Variants in CYP27B1 observed in about 807,000 individuals in gnomAD.
CYP27B1 encodes the protein cytochrome P450 family 27 subfamily B member 1, also known as 25-hydroxyvitamin D-1 alpha hydroxylase, mitochondrial.
Under a neutral mutation model 54.8 loss-of-function variants are expected in CYP27B1, and 46 were observed. That is an observed-to-expected ratio of 0.84 (90% confidence interval 0.66 to 1.07). The LOEUF (loss-of-function observed/expected upper bound fraction) is 1.07. CYP27B1 is among the 50% of genes least tolerant of loss of function. The probability of loss-of-function intolerance (pLI) is 0.00; values close to 1 mark genes in which losing one functional copy is unlikely to be tolerated. For synonymous variants in CYP27B1, 292 were observed against 297.3 expected (o/e 0.98, Z 0.18); for missense variants, 674 against 692.2 (o/e 0.97, Z 0.30).
chr12:57,765,916 C>T lies in CYP27B1; in HGVS notation c.386+91G>A. The stretch of plus-strand genomic sequence containing the variant: ...ATGGTAGAGTGGGACAGCCGACCTC[C>T]CACCATGCCCCCAGATTGATAGTTT... On this transcript the variant is annotated intron_variant, in intron 2 of 8. Coordinates refer to ENST00000228606, the MANE Select transcript of CYP27B1 (RefSeq NM_000785.4). The surrounding 1 kb of genome is among the most constrained non-coding windows in gnomAD (Gnocchi z 5.8). 7 of 1,450,510 alleles carry T rather than the reference C, an allele frequency of 4.8e-6. No homozygotes were observed. Among genetic ancestry groups the T allele is most frequent in the Non-Finnish European group, 6.3e-6 (7 of 1,105,200 alleles). 89.9% of individuals were successfully genotyped at this position (1,450,510 alleles called of 1,614,324 possible). A position where few individuals can be genotyped will look rare whatever the true frequency, so the allele number is the denominator to read the frequency against.
chr12:57,765,993 CAG>C lies in CYP27B1; in HGVS notation c.386+12_386+13del, dbSNP rs1481163627. 1 of 1,550,662 alleles carries C rather than the reference CAG, an allele frequency of 6.4e-7. No individual in the cohort carries two copies. The highest frequency in any genetic ancestry group is 1.4e-5 in the African/African-American group (1 of 73,600). Reference sequence around the variant, plus strand: ...TGCAGGGCGTCTGGGCTTCTGGGGGCAGAGAAGACTCACGCAGTGAGCAGTCC... The same window carrying C: ...TGCAGGGCGTCTGGGCTTCTGGGGGCAGAAGACTCACGCAGTGAGCAGTCC... On this transcript the variant is annotated intron_variant, in intron 2 of 8. Coordinates refer to ENST00000228606, the MANE Select transcript of CYP27B1 (RefSeq NM_000785.4). This position sits in a 1 kb window ranked among gnomAD's most constrained non-coding sequence, Gnocchi z 5.8.
Position 57,767,036 on chromosome 12 carries a change from G to C in CYP27B1, c.6C>G (p.Thr2=), listed in dbSNP as rs771825668. 1 of 1,614,160 alleles carries C rather than the reference G, an allele frequency of 6.2e-7. No individual in the cohort carries two copies. Among genetic ancestry groups the C allele is most frequent in the South Asian group, 1.1e-5 (1 of 91,086 alleles). ...CTCTGGAGGCGTACTTGAGGGTCTG[G>C]GTCATGGTCTGGTTCAGGGTGCTCG... M[T]QTLKYASRVF... is the part of the protein sequence containing the mutation. Residue 2 remains threonine (T), a synonymous_variant, in exon 1 of 9, where the codon ACC becomes ACG. Transcript: ENST00000228606.
chr12:57,763,256 C>G lies in CYP27B1; in HGVS notation c.1414-1G>C, dbSNP rs762555680. On this transcript the variant is annotated splice_acceptor_variant, in intron 8 of 8. Coordinates refer to ENST00000228606, the MANE Select transcript of CYP27B1 (RefSeq NM_000785.4). LOFTEE classifies it high-confidence loss of function. ...GCTGCACCTCAAAATGTGTTAGGAT[C>G]TGGAAAGGGAAGAAGGTGAGCATTA... 6.2e-7 allele frequency: 1 copy of G among 1,610,318 alleles called. No homozygotes were observed. Among genetic ancestry groups the G allele is most frequent in the Non-Finnish European group, 8.5e-7 (1 of 1,176,706 alleles).
intron 5 of CYP27B1, 64 bp downstream of exon 5, chr12:57,764,690 T>C: frequency 6.2e-7 from 1 of 1,608,656 alleles, no homozygotes; most frequent in Non-Finnish European, 8.5e-7. Flanking sequence ...AACAGAAAAA[T>C]GGAGCCGGAG....
At position 57,764,767 on chromosome 12, in the gene CYP27B1, G is replaced by A; in HGVS notation, c.950C>T (p.Ala317Val). Residue 317 changes from alanine (A) to valine (V), a missense_variant, in exon 5 of 9, where the codon GCG becomes GTG. Transcript: ENST00000228606. The stretch of plus-strand genomic sequence containing the variant: ...GGAGAACCTCACCGTGTCCACTCCC[G>A]CCAATAGCAACTCTGTCACATTTCC... ...ILGNVTELLL[A>V]GVDTVSNTLS... 6.2e-7 allele frequency: 1 copy of A among 1,614,078 alleles called. No homozygotes were observed.
At position 57,766,572 on chromosome 12, in the gene CYP27B1, G is replaced by C. The variant is rs8176343; in HGVS notation, c.195+275C>G. ...GCAGGCGGAGGGTACTGCCCACTCC[G>C]GCCTCCCCCTCCCGCGCACTTGTAC... is the stretch of plus-strand genomic sequence containing the variant. On this transcript the variant is annotated intron_variant, in intron 1 of 8. Transcript: ENST00000228606. The C allele has an allele frequency of 8.6e-6, 5 of 582,236 alleles. No individual in the cohort carries two copies. The East Asian group carries it at 1.2e-4, about 13-fold the overall frequency. The allele number at this position is 582,236 out of a possible 1,614,324, so 36.1% of individuals were successfully genotyped here.
rs952793854 is a variant in CYP27B1 at position 57,765,199 on chromosome 12, AC to A, written c.601del (p.Val201PhefsTer34). 6.2e-7 allele frequency: 1 copy of A among 1,612,706 alleles called. No homozygotes were observed. The highest frequency in any genetic ancestry group is 8.5e-7 in the Non-Finnish European group (1 of 1,179,574). On this transcript the variant is annotated frameshift_variant, in exon 4 of 9. Coordinates refer to ENST00000228606, the MANE Select transcript of CYP27B1 (RefSeq NM_000785.4). LOFTEE classifies it high-confidence loss of function. This position sits in a 1 kb window ranked among gnomAD's most constrained non-coding sequence, Gnocchi z 5.8. ...YKFGLEGIAAVLLGSRLGCLE... is the reference protein window; with the variant it reads ...YKFGLEGIAAXLLGSRLGCLE... ...GCAGCCCAAGCGCGAGCCGAGCAGAACCGCGGCGATGCCTTGTCGGGAGGGG... is the reference window on the plus strand; with the variant it reads ...GCAGCCCAAGCGCGAGCCGAGCAGAACGCGGCGATGCCTTGTCGGGAGGGG...
rs1439752802 is a variant in CYP27B1, at chr12:57,765,537, G to A, written c.387-38C>T. On this transcript the variant is annotated intron_variant, in intron 2 of 8. Transcript: ENST00000228606. This position sits in a 1 kb window ranked among gnomAD's most constrained non-coding sequence, Gnocchi z 5.8. ...GGAGAGAGTGCGCATCGGGAAGGTG[G>A]GGACGGCTCGACGGGACTGGCTGCA... The A allele has an allele frequency of 9.5e-6, 15 of 1,576,368 alleles. No homozygotes were observed. Among genetic ancestry groups the A allele is most frequent in the Middle Eastern group, 1.7e-4 (1 of 6,030 alleles).
Position 57,765,473 on chromosome 12 carries a change from C to A in CYP27B1, c.413G>T (p.Arg138Leu), listed in dbSNP as rs1452090388. ...TAEGEEWQRL[R>L]SLLAPLLLRP... is the part of the protein sequence containing the mutation. ...GAGGAGGAGCGGGGCCAGGAGACTG[C>A]GGAGCCTTTGCCATTCTTCGCCTTC... The change falls in exon 3 of 9, where the codon CGC (arginine) becomes CTC (leucine). Residue 138 changes from arginine (R) to leucine (L), a missense_variant. Arg to Leu is a moderately radical substitution (Grantham distance 102). Coordinates refer to ENST00000228606, the MANE Select transcript of CYP27B1 (RefSeq NM_000785.4). This position sits in a 1 kb window ranked among gnomAD's most constrained non-coding sequence, Gnocchi z 5.8. 4 of 1,612,060 alleles carry A rather than the reference C, an allele frequency of 2.5e-6. No individual in the cohort carries two copies. Among genetic ancestry groups the A allele is most frequent in the Admixed American group, 3.3e-5 (2 of 59,780 alleles).
In CYP27B1 at chr12:57,765,619, G is replaced by C. The variant is rs1955353748; in HGVS notation, c.387-120C>G. 1 of 1,127,072 alleles carries C rather than the reference G, an allele frequency of 8.9e-7. No homozygotes were observed. Among genetic ancestry groups the C allele is most frequent in the East Asian group, 2.6e-5 (1 of 39,080 alleles). 69.8% of individuals were successfully genotyped at this position (1,127,072 alleles called of 1,614,324 possible). A position where few individuals can be genotyped will look rare whatever the true frequency, so the allele number is the denominator to read the frequency against. On this transcript the variant is annotated intron_variant, in intron 2 of 8. Coordinates refer to ENST00000228606, the MANE Select transcript of CYP27B1 (RefSeq NM_000785.4). The surrounding 1 kb of genome is among the most constrained non-coding windows in gnomAD (Gnocchi z 5.8). ...GAGAGGGATTGCGTCTGCCCCCTTGGGGTACGGAAACCTGCACCGGCCTGC... is the reference window on the plus strand; with the variant it reads ...GAGAGGGATTGCGTCTGCCCCCTTGCGGTACGGAAACCTGCACCGGCCTGC...
rs1372378229 is a variant in CYP27B1 at position 57,763,042 on chromosome 12, T to C, written c.*100A>G. On this transcript the variant is annotated 3_prime_UTR_variant, in exon 9 of 9. Coordinates refer to ENST00000228606, the MANE Select transcript of CYP27B1 (RefSeq NM_000785.4). ...GGTGGTTCTATCCAGTTTGGTCAGA[T>C]AGGCATTAGGGGAAGATGTATACCT... 2.5e-5 allele frequency: 21 copies of C among 844,074 alleles called. No individual in the cohort carries two copies. The highest frequency in any genetic ancestry group is 2.8e-4 in the Middle Eastern group (1 of 3,550). 52.3% of individuals were successfully genotyped at this position (844,074 alleles called of 1,614,324 possible).
In CYP27B1 at chr12:57,766,108, C is replaced by T. The variant is rs1955358439; in HGVS notation, c.285G>A (p.Glu95=). ...TVYVAAPALV[E]ELLRQEGPRP... ...GGGGTCCCTCCTGTCGCAGCAGCTCCTCGACGAGTGCAGGGGCAGCCACGT... is the reference window on the plus strand; with the variant it reads ...GGGGTCCCTCCTGTCGCAGCAGCTCTTCGACGAGTGCAGGGGCAGCCACGT... Residue 95 remains glutamate, a synonymous_variant, in exon 2 of 9, where the codon GAG becomes GAA. Transcript: ENST00000228606. The T allele has an allele frequency of 6.5e-7, 1 of 1,546,524 alleles. No homozygotes were observed. The highest frequency in any genetic ancestry group is 8.7e-7 in the Non-Finnish European group (1 of 1,149,690).
At position 57,766,952 on chromosome 12, in the gene CYP27B1, G is replaced by A. The variant is rs750773217; in HGVS notation, c.90C>T (p.Tyr30=). The part of the protein sequence containing the change: ...ELGASLGYRE[Y]HSARRSLADI... The stretch of plus-strand genomic sequence containing the variant: ...CTGCCAAGCTCCGGCGTGCTGAGTG[G>A]TACTCTCGGTAGCCTAGGGAGGCGC... The change falls in exon 1 of 9, where the codon TAC becomes TAT. Residue 30 remains tyrosine, a synonymous_variant. Coordinates refer to ENST00000228606, the MANE Select transcript of CYP27B1 (RefSeq NM_000785.4). The A allele has an allele frequency of 1.2e-6, 2 of 1,614,100 alleles. No individual in the cohort carries two copies. The highest frequency in any genetic ancestry group is 1.7e-6 in the Non-Finnish European group (2 of 1,180,036).
chr12:57,765,969 G>T lies in CYP27B1; in HGVS notation c.386+38C>A. The T allele has an allele frequency of 6.6e-7, 1 of 1,513,520 alleles. No individual in the cohort carries two copies. The allele number at this position is 1,513,520 out of a possible 1,614,324, so 93.8% of individuals were successfully genotyped here. ...GGACCCGCAGCAGGAGAGGGCCGCT[G>T]CAGGGCGTCTGGGCTTCTGGGGGCA... On this transcript the variant is annotated intron_variant, in intron 2 of 8. Transcript: ENST00000228606. The surrounding 1 kb of genome is among the most constrained non-coding windows in gnomAD (Gnocchi z 5.8).
chr12:57,765,049 C>T lies in CYP27B1; in HGVS notation c.752G>A (p.Gly251Asp). 1 of 1,613,746 alleles carries T rather than the reference C, an allele frequency of 6.2e-7. No homozygotes were observed. Among genetic ancestry groups the T allele is most frequent in the Non-Finnish European group, 8.5e-7 (1 of 1,180,038 alleles). The change falls in exon 4 of 9, where the codon GGC becomes GAC. Residue 251 changes from glycine (G) to aspartate (D), a missense_variant. Physicochemically the swap from Gly to Asp is moderately conservative, Grantham distance 94 (BLOSUM62 -1). Transcript: ENST00000228606. The surrounding 1 kb of genome is among the most constrained non-coding windows in gnomAD (Gnocchi z 5.8). ...CTGGTCCCAGTCTCGGCAGAGGCGG[C>T]CCCAGGGCCCAGGCACAAGGTGGCG... ...WLRHLVPGPW[G>D]RLCRDWDQMF...
chr12:57,765,772 C>T lies in CYP27B1; in HGVS notation c.386+235G>A. 1 of 866,348 alleles carries T rather than the reference C, an allele frequency of 1.2e-6. No individual in the cohort carries two copies. Among genetic ancestry groups the T allele is most frequent in the Non-Finnish European group, 1.7e-6 (1 of 573,754 alleles). The allele number at this position is 866,348 out of a possible 1,614,324, so 53.7% of individuals were successfully genotyped here. A position where few individuals can be genotyped will look rare whatever the true frequency, so the allele number is the denominator to read the frequency against. ...TCCTTGTACCCTAGCCCAATTCCTCCGGTTCCCCCAGTTCCCAGGATTCGG... is the reference window on the plus strand; with the variant it reads ...TCCTTGTACCCTAGCCCAATTCCTCTGGTTCCCCCAGTTCCCAGGATTCGG... On this transcript the variant is annotated intron_variant, in intron 2 of 8. Transcript: ENST00000228606. This position sits in a 1 kb window ranked among gnomAD's most constrained non-coding sequence, Gnocchi z 5.8.
chr12:57,764,705 C>G, intron 5 of CYP27B1, 49 bp downstream of exon 5: 2 of 1,611,408 alleles, frequency 1.2e-6, no homozygotes, highest in Non-Finnish European at 1.7e-6. Flanking sequence ...CCGGAGTCTG[C>G]GGAGGCTAAG....
At position 57,766,835 on chromosome 12, in the gene CYP27B1, G is replaced by A. The variant is rs1955365998; in HGVS notation, c.195+12C>T. On this transcript the variant is annotated intron_variant, in intron 1 of 8. Coordinates refer to ENST00000228606, the MANE Select transcript of CYP27B1 (RefSeq NM_000785.4). ...CCCAGCACTCTGTCTCGGGAAAGGC[G>A]TCCCTTCCTACCTGCAGCTCGTGTA... 6.2e-6 allele frequency: 10 copies of A among 1,613,786 alleles called. No individual in the cohort carries two copies. Among genetic ancestry groups the A allele is most frequent in the African/African-American group, 4.0e-5 (3 of 74,924 alleles).
chr12:57,765,564 T>A lies in CYP27B1; in HGVS notation c.387-65A>T, dbSNP rs1424500046. 6.6e-7 allele frequency: 1 copy of A among 1,509,468 alleles called. No homozygotes were observed. The highest frequency in any genetic ancestry group is 9.1e-7 in the Non-Finnish European group (1 of 1,103,974). The allele number at this position is 1,509,468 out of a possible 1,614,324, so 93.5% of individuals were successfully genotyped here. A position where few individuals can be genotyped will look rare whatever the true frequency, so the allele number is the denominator to read the frequency against. ...GACGGCTCGACGGGACTGGCTGCAG[T>A]GAAGGAGCGCGTTCGGCTGCGGTGG... is the stretch of plus-strand genomic sequence containing the variant. On this transcript the variant is annotated intron_variant, in intron 2 of 8. Transcript: ENST00000228606. This position sits in a 1 kb window ranked among gnomAD's most constrained non-coding sequence, Gnocchi z 5.8.
Sources: allele counts gnomAD v4.1 joint callset, GRCh38; gene constraint gnomAD v4.1.1; non-coding constraint Gnocchi (gnomAD v3.1); transcripts MANE v1.5; gene names NCBI Gene and HGNC (gene_info 2026-07-23, HGNC 2026-07-21).